The following PRPF6 variants were observed in gnomAD, a reference collection of about 807,000 sequenced individuals.
PRPF6 encodes pre-mRNA-processing factor 6.
In PRPF6, 42 loss-of-function variants were observed where a neutral mutation model predicts 118.3. The ratio of observed to expected loss-of-function variants is 0.35; its 90% CI spans 0.28 to 0.46. The LOEUF (loss-of-function observed/expected upper bound fraction) is 0.46. PRPF6 is among the 20% of genes least tolerant of loss of function. The pLI, the probability that PRPF6 is intolerant of heterozygous loss-of-function variation, is 1.00. For missense variants in PRPF6, 662 were observed against 1,255.7 expected, an observed-to-expected ratio of 0.53 and a Z score of 7.15; for synonymous variants, 481 against 485.1, an observed-to-expected ratio of 0.99 and a Z score of 0.11.
intron 3 of PRPF6, among the ~76,000 whole-genome samples, chr20:63,985,326 T>G (rs1333480374): frequency 6.6e-6 from 1 of 151,456 alleles, no homozygotes; most frequent in African/African-American, 2.4e-5. Context: ...TCCAGCCTGG[T>G]TGGCATAGTG....
Position 64,027,372 on chromosome 20 carries a change from A to G in PRPF6, c.2205+214A>G, listed in dbSNP as rs1388109819. 2.6e-5 allele frequency among the ~76,000 whole-genome samples: 4 copies of G among 152,186 alleles called. No individual in the cohort carries two copies. Among genetic ancestry groups the G allele is most frequent in the African/African-American group, 9.7e-5 (4 of 41,430 alleles). The stretch of plus-strand genomic sequence containing the variant: ...AGCTGCACACACTGCTCAGAAGTGC[A>G]GAGTGTGGCACACCTGCAGTAAAGG... On this transcript the variant is annotated intron_variant, in intron 16 of 20. Transcript: ENST00000266079. This position sits in a 1 kb window ranked among gnomAD's most constrained non-coding sequence, Gnocchi z 6.5.
In PRPF6 at chr20:64,032,927, C is replaced by T; in HGVS notation, c.2760C>T (p.Ala920=). 1 of 1,613,442 alleles carries T rather than the reference C, an allele frequency of 6.2e-7. No individual in the cohort carries two copies. Among genetic ancestry groups the T allele is most frequent in the Non-Finnish European group, 8.5e-7 (1 of 1,180,032 alleles). The change falls in exon 21 of 21, where the codon GCC becomes GCT. Residue 920 remains alanine (A), a synonymous_variant. Coordinates refer to ENST00000266079, the MANE Select transcript of PRPF6 (RefSeq NM_012469.4). ...GGTGCGCCGTGTCCAAGGACATCGC[C>T]AACTGGCAGAAGAAGATCGGGGACA... The part of the protein sequence containing the change: ...ELWCAVSKDI[A]NWQKKIGDIL...
chr20:64,031,786 C>T (rs1421548430), intron 19 of PRPF6, 132 bp from the exon 20 acceptor site: 23 of 1,252,374 alleles, frequency 1.8e-5, no homozygotes, highest in Non-Finnish European at 2.7e-5. Context: ...GGCCCTGATC[C>T]TCAGGCCTTC....
At position 64,032,821 on chromosome 20, in the gene PRPF6, G is replaced by C. The variant is rs138298258; in HGVS notation, c.2674-20G>C. 1.3e-6 allele frequency: 2 copies of C among 1,597,326 alleles called. No homozygotes were observed. Among genetic ancestry groups the C allele is most frequent in the East Asian group, 4.6e-5 (2 of 43,832 alleles). On this transcript the variant is annotated intron_variant, in intron 20 of 20. Coordinates refer to ENST00000266079, the MANE Select transcript of PRPF6 (RefSeq NM_012469.4). ...TAGCGTGGGAGGACCCCTGCCTGAC[G>C]TGCCCTGTGGTCCCCCCAGGAGCAG...
chr20:64,025,463 C>T (rs1300574116), intron 14 of PRPF6, among the ~76,000 whole-genome samples: 2 of 152,172 alleles, frequency 1.3e-5, no homozygotes, highest in Non-Finnish European at 2.9e-5. Context: ...GGCTTGTGGA[C>T]GCCTTCTCCA....
rs947022462 is a variant in PRPF6, at chr20:64,026,137, G to A, written c.2028+79G>A. 1.1e-5 allele frequency: 18 copies of A among 1,586,752 alleles called. No individual in the cohort carries two copies. In the Admixed American group the frequency reaches 2.8e-4, roughly 24 times the overall value. ...GGGCCCCACGCCTGGCTTGGGTGGTGATGGGAGTGAGATGACGGCAGGCAA... is the reference window on the plus strand; with the variant it reads ...GGGCCCCACGCCTGGCTTGGGTGGTAATGGGAGTGAGATGACGGCAGGCAA... On this transcript the variant is annotated intron_variant, in intron 15 of 20. Transcript: ENST00000266079. This position sits in a 1 kb window ranked among gnomAD's most constrained non-coding sequence, Gnocchi z 4.4.
intron 14 of PRPF6, among the ~76,000 whole-genome samples, chr20:64,025,680 T>C (rs376401357): frequency 3.9e-5 from 6 of 152,346 alleles, no homozygotes; most frequent in East Asian, 3.9e-4. Flanking sequence ...GCCCCCGTTA[T>C]TGCTCGAGTG....
chr20:64,025,233 C>T (rs188780801), intron 14 of PRPF6, among the ~76,000 whole-genome samples: 16 of 152,302 alleles, frequency 1.1e-4, no homozygotes, highest in African/African-American at 2.9e-4. Flanking sequence ...TTTAACCTTT[C>T]GCTCTCAGCT....
rs1747820496 is a variant in PRPF6 at position 64,029,930 on chromosome 20, C to T, written c.2546+439C>T. ...ACTCACTGGGGACACATGTGATTCA[C>T]ACTGGTGTGCTGGCCGCCGGGTCAG... On this transcript the variant is annotated intron_variant, in intron 19 of 20. Transcript: ENST00000266079. This position sits in a 1 kb window ranked among gnomAD's most constrained non-coding sequence, Gnocchi z 4.8. Among the ~76,000 whole-genome samples, 1 of 151,096 alleles carries T rather than the reference C, an allele frequency of 6.6e-6. No individual in the cohort carries two copies. Among genetic ancestry groups the T allele is most frequent in the Non-Finnish European group, 1.5e-5 (1 of 67,714 alleles).
At chr20:63,984,498 A>T (rs1443214627) in intron 2 of PRPF6, among the ~76,000 whole-genome samples, 1 of 152,176 alleles carries the variant, frequency 6.6e-6, no homozygotes, top group Non-Finnish European at 1.5e-5. Context: ...CCCAAAAAAA[A>T]GTTTCTGCAT....
At chr20:64,008,097 C>A (rs544273258) in intron 9 of PRPF6, among the ~76,000 whole-genome samples, 3 of 152,172 alleles carry the variant, frequency 2.0e-5, no homozygotes, top group Non-Finnish European at 4.4e-5. Context: ...AATTTCTTAA[C>A]ATCATTAAAT....
chr20:64,017,073 G>A lies in PRPF6; in HGVS notation c.1647+228G>A, dbSNP rs1191774680. The stretch of plus-strand genomic sequence containing the variant: ...TTCTCCTGCCTCAGCCTCCCGAGTA[G>A]CTGGGACTACAGGCATGTGCCACCA... On this transcript the variant is annotated intron_variant, in intron 12 of 20. Coordinates refer to ENST00000266079, the MANE Select transcript of PRPF6 (RefSeq NM_012469.4). 4.6e-5 allele frequency among the ~76,000 whole-genome samples: 7 copies of A among 152,236 alleles called. No individual in the cohort carries two copies. The South Asian group carries it at 1.5e-3, about 32-fold the overall frequency.
At chr20:64,002,014 G>GTTTTTTTTTTTTTTTT (rs386394238) in intron 9 of PRPF6, among the ~76,000 whole-genome samples, 15 of 83,242 alleles carry the variant, frequency 1.8e-4, no homozygotes, top group Non-Finnish European at 2.5e-4. Context: ...TTTTTTTCTG[G>GTTTTTTTTTTTTTTTT]TTTTTTTTTT....
chr20:63,985,681 A>C (rs1002128082), intron 3 of PRPF6, among the ~76,000 whole-genome samples: 1 of 152,244 alleles, frequency 6.6e-6, no homozygotes, highest in African/African-American at 2.4e-5. Context: ...TAAATGACAC[A>C]TACAAGCTAC....
chr20:64,018,569 G>A (rs979563929), intron 12 of PRPF6, among the ~76,000 whole-genome samples: 2 of 151,940 alleles, frequency 1.3e-5, no homozygotes, highest in African/African-American at 4.8e-5. Flanking sequence ...ATGCTTCTTG[G>A]CCTGAATCAG....
intron 6 of PRPF6, among the ~76,000 whole-genome samples, chr20:63,998,356 G>A (rs1192179928): frequency 6.6e-6 from 1 of 151,174 alleles, no homozygotes; most frequent in Non-Finnish European, 1.5e-5. Context: ...GCCTCCCAAA[G>A]TGCTGGGTTT....
chr20:64,022,887 T>C lies in PRPF6; in HGVS notation c.1769+9T>C. The C allele has an allele frequency of 1.2e-6, 2 of 1,613,984 alleles. No homozygotes were observed. The highest frequency in any genetic ancestry group is 1.7e-6 in the Non-Finnish European group (2 of 1,179,986). ...AAGAACCATGGCACTCGGTATGTGG[T>C]GGGACCCGCCTGCCCAAGGGTGCTA... is the stretch of plus-strand genomic sequence containing the variant. On this transcript the variant is annotated intron_variant, in intron 13 of 20. Coordinates refer to ENST00000266079, the MANE Select transcript of PRPF6 (RefSeq NM_012469.4).
Position 64,026,678 on chromosome 20 carries a change from T to C in PRPF6, c.2029-304T>C, listed in dbSNP as rs190090462. Among the ~76,000 whole-genome samples the C allele has an allele frequency of 6.6e-6, 1 of 151,972 alleles. No individual in the cohort carries two copies. The highest frequency in any genetic ancestry group is 6.5e-5 in the Admixed American group (1 of 15,268). ...AGCTGGGTGTGGTGGCTTGCACCTG[T>C]AGTTCCAGCTACTTGGGAGGCTGAG... On this transcript the variant is annotated intron_variant, in intron 15 of 20. Transcript: ENST00000266079. The surrounding 1 kb of genome is among the most constrained non-coding windows in gnomAD (Gnocchi z 4.4).
intron 14 of PRPF6, 121 bp from the exon 15 acceptor site, chr20:64,025,818 A>G: frequency 6.4e-7 from 1 of 1,574,118 alleles, no homozygotes; most frequent in Non-Finnish European, 8.7e-7. Flanking sequence ...CTTGGACCAG[A>G]CTAATCCTGT....
Sources: allele counts gnomAD v4.1 joint callset (sites outside exome capture counted in the v4.1 genomes callset), GRCh38; gene constraint gnomAD v4.1.1; non-coding constraint Gnocchi (gnomAD v3.1); transcripts MANE v1.5; gene names NCBI Gene and HGNC (gene_info 2026-07-23, HGNC 2026-07-21).